CHRM3: variants seen among roughly 807,000 people sequenced by gnomAD.
CHRM3 encodes the protein cholinergic receptor muscarinic 3.
Under a neutral mutation model 41.8 loss-of-function variants are expected in CHRM3, and 11 were observed. That is an observed-to-expected ratio of 0.26 (90% confidence interval 0.17 to 0.44). The LOEUF is 0.44. Among genes scored for constraint, CHRM3 ranks in the 20% least tolerant of loss-of-function variants. The probability of loss-of-function intolerance (pLI) is 1.00; values close to 1 mark genes in which losing one functional copy is unlikely to be tolerated. For missense variants in CHRM3, 571 were observed against 745.4 expected (o/e 0.77, Z 2.72); for synonymous variants, 297 against 301.4 (o/e 0.99, Z 0.15).
chr1:239,553,390 A>G (rs1386471633), intron 3 of CHRM3, among the ~76,000 whole-genome samples: 4 of 152,108 alleles, frequency 2.6e-5, no homozygotes, highest in Non-Finnish European at 4.4e-5. Flanking sequence ...CAATGTGCAT[A>G]CAAATGAGAA....
intron 5 of CHRM3, among the ~76,000 whole-genome samples, chr1:239,741,205 A>G (rs1667478558): frequency 6.6e-6 from 1 of 152,126 alleles, no homozygotes; most frequent in African/African-American, 2.4e-5. Context: ...AAACTTAGAT[A>G]TTTTTATGTT....
chr1:239,850,821 T>G (rs182920919), intron 6 of CHRM3, among the ~76,000 whole-genome samples: 1 of 152,186 alleles, frequency 6.6e-6, no homozygotes, highest in Non-Finnish European at 1.5e-5. Flanking sequence ...TCTTCCGCCA[T>G]GACTGTAAGT....
chr1:239,768,794 T>G (rs1667428429), intron 5 of CHRM3, among the ~76,000 whole-genome samples: 1 of 150,870 alleles, frequency 6.6e-6, no homozygotes, highest in South Asian at 2.1e-4. Flanking sequence ...AGATGGAGTC[T>G]CTCTCAGTCA....
intron 1 of CHRM3, among the ~76,000 whole-genome samples, chr1:239,393,249 T>C (rs1486167535): frequency 1.3e-5 from 2 of 152,234 alleles, no homozygotes; most frequent in African/African-American, 4.8e-5. Context: ...ATTGACAATA[T>C]GTTGATGACT....
intron 1 of CHRM3, among the ~76,000 whole-genome samples, chr1:239,431,699 C>T (rs977213155): frequency 6.6e-6 from 1 of 152,116 alleles, no homozygotes; most frequent in African/African-American, 2.4e-5. Flanking sequence ...ATGAAAGATA[C>T]AAAGAGGTAG....
At chr1:239,886,815 CATTA>C (rs1212718052) in intron 6 of CHRM3, among the ~76,000 whole-genome samples, 1 of 152,182 alleles carries the variant, frequency 6.6e-6, no homozygotes, top group Non-Finnish European at 1.5e-5. Context: ...TTCCAAAGAG[CATTA>C]CCGGGTTTCT....
chr1:239,874,308 T>TATACACAGTATATAG (rs1676913719), intron 6 of CHRM3, among the ~76,000 whole-genome samples: 1 of 127,208 alleles, frequency 7.9e-6, no homozygotes, highest in Non-Finnish European at 1.6e-5. Context: ...TATATATATA[T>TATACACAGTATATAG]ATATATATAT....
chr1:239,462,411 GA>G (rs1032632394), intron 1 of CHRM3, among the ~76,000 whole-genome samples: 5 of 151,402 alleles, frequency 3.3e-5, no homozygotes, highest in Middle Eastern at 3.4e-3. Context: ...TGCTCAAAAG[GA>G]AAAAAAAATT....
intron 1 of CHRM3, among the ~76,000 whole-genome samples, chr1:239,465,555 T>C (rs777518014): frequency 6.6e-6 from 1 of 152,128 alleles, no homozygotes; most frequent in Non-Finnish European, 1.5e-5. Context: ...TTTCTCTGTG[T>C]TGGGGTCTTG....
intron 5 of CHRM3, among the ~76,000 whole-genome samples, chr1:239,789,448 T>TAA (rs1669170575): frequency 6.6e-6 from 1 of 152,172 alleles, no homozygotes; most frequent in South Asian, 2.1e-4. Flanking sequence ...GGGTAATGTA[T>TAA]AAAGAAGAAA....
chr1:239,779,696 C>G (rs1288588363), intron 5 of CHRM3, among the ~76,000 whole-genome samples: 1 of 152,178 alleles, frequency 6.6e-6, no homozygotes, highest in Non-Finnish European at 1.5e-5. Flanking sequence ...GATTGTGTCA[C>G]TGTACTCCAG....
rs115754697 is a variant in CHRM3 at position 239,855,106 on chromosome 1, G to A, written c.-20+27728G>A. Among the ~76,000 whole-genome samples, 548 of 152,158 alleles carry A rather than the reference G, an allele frequency of 3.6e-3. 5 individuals are homozygous for A. Among genetic ancestry groups the A allele is most frequent in the African/African-American group, 0.012 (494 of 41,546 alleles). ...TGATCTACATGCATTAAGTGTTTCCGACACTCTTTACCATATTCCACCTTG... is the reference window on the plus strand; with the variant it reads ...TGATCTACATGCATTAAGTGTTTCCAACACTCTTTACCATATTCCACCTTG... On this transcript the variant is annotated intron_variant, in intron 6 of 6. Coordinates refer to ENST00000676153, the MANE Select transcript of CHRM3 (RefSeq NM_001375978.1).
At chr1:239,729,009 C>A (rs913271407) in intron 5 of CHRM3, among the ~76,000 whole-genome samples, 1 of 151,888 alleles carries the variant, frequency 6.6e-6, no homozygotes, top group Non-Finnish European at 1.5e-5. Flanking sequence ...CTGAGAATGA[C>A]ATGAACTTTA....
intron 1 of CHRM3, among the ~76,000 whole-genome samples, chr1:239,427,866 T>G (rs1273925703): frequency 6.6e-6 from 1 of 152,132 alleles, no homozygotes; most frequent in African/African-American, 2.4e-5. Context: ...CATTGTCACA[T>G]ATGCAGGATC....
intron 3 of CHRM3, among the ~76,000 whole-genome samples, chr1:239,611,340 C>T (rs1325212083): frequency 2.0e-5 from 3 of 151,174 alleles, no homozygotes; most frequent in Non-Finnish European, 4.4e-5. Context: ...ATTTTTATAG[C>T]ATGACTTTCA....
chr1:239,897,584 G>A (rs1679116835), intron 6 of CHRM3, among the ~76,000 whole-genome samples: 4 of 151,868 alleles, frequency 2.6e-5, no homozygotes. Context: ...ATGTTGAACA[G>A]TAATCAGCAA....
chr1:239,556,963 T>G (rs73120629), intron 3 of CHRM3, among the ~76,000 whole-genome samples: 1,816 of 152,206 alleles, frequency 0.012, 36 homozygotes, highest in African/African-American at 0.042. Context: ...AAGCTTAGAA[T>G]AAATAAATAA....
At chr1:239,507,843 C>G (rs780915653) in intron 2 of CHRM3, among the ~76,000 whole-genome samples, 1 of 151,988 alleles carries the variant, frequency 6.6e-6, no homozygotes, top group South Asian at 2.1e-4. Flanking sequence ...GAGGGTATCC[C>G]TATAATTTAT....
intron 3 of CHRM3, among the ~76,000 whole-genome samples, chr1:239,597,141 G>A (rs905454996): frequency 6.6e-6 from 1 of 151,866 alleles, no homozygotes; most frequent in African/African-American, 2.4e-5. Context: ...TATGTTTTTG[G>A]GAATATTCCT....
Sources: gnomAD v4.1 joint callset for allele counts (sites outside exome capture counted in the v4.1 genomes callset) on GRCh38, gnomAD v4.1.1 for gene constraint, MANE v1.5 for transcripts, NCBI Gene and HGNC (gene_info 2026-07-23, HGNC 2026-07-21) for gene names.